Variants in PCDHGB3 observed in about 807,000 individuals in gnomAD.
PCDHGB3 encodes protocadherin gamma-B3.
Under a neutral mutation model 59.2 loss-of-function variants are expected in PCDHGB3, and 40 were observed. The observed-to-expected ratio is 0.68, with a 90% CI of 0.52 to 0.88. The LOEUF (loss-of-function observed/expected upper bound fraction) is 0.88. Among genes scored for constraint, PCDHGB3 ranks in the 40% least tolerant of loss-of-function variants. PCDHGB3 has a pLI of 0.00. For synonymous variants in PCDHGB3, 581 were observed against 503.6 expected (o/e 1.15, Z -2.06); for missense variants, 1,309 against 1,187.9 (o/e 1.10, Z -1.50).
chr5:141,433,286 T>C (rs2097581877), intron 1 of PCDHGB3: 2 of 1,143,608 alleles, frequency 1.7e-6, no homozygotes, highest in African/African-American at 1.6e-5. Flanking sequence ...CTCAAACTCC[T>C]AGGCTCAAGC....
At chr5:141,376,037 C>T (rs1436738898) in intron 1 of PCDHGB3, 1 of 1,613,104 alleles carries the variant, frequency 6.2e-7, no homozygotes, top group African/African-American at 1.3e-5. Flanking sequence ...CCACGGCCAG[C>T]CCCCTCTCTC....
intron 1 of PCDHGB3, chr5:141,374,638 A>C (rs931155259): frequency 4.3e-6 from 7 of 1,612,946 alleles, no homozygotes; most frequent in Admixed American, 1.7e-5. Context: ...TGCAAAGCGA[A>C]GCCCATGGGC....
At chr5:141,394,705 C>A (rs1245348426) in intron 1 of PCDHGB3, 1 of 1,613,256 alleles carries the variant, frequency 6.2e-7, no homozygotes, top group African/African-American at 1.3e-5. Context: ...ACGGCGCGAG[C>A]CCTGCTGGAC....
intron 1 of PCDHGB3, among the ~76,000 whole-genome samples, chr5:141,479,041 C>T (rs1346986831): frequency 1.2e-4 from 18 of 152,100 alleles, no homozygotes; most frequent in Admixed American, 1.2e-3. Flanking sequence ...AGATCGTGTA[C>T]CTCATTCTCA....
At chr5:141,375,704 C>T in intron 1 of PCDHGB3, 2 of 1,614,268 alleles carry the variant, frequency 1.2e-6, no homozygotes, top group Non-Finnish European at 1.7e-6. Flanking sequence ...CGGGGACCCG[C>T]CTCTTAGCAG....
At chr5:141,413,338 G>A in intron 1 of PCDHGB3, 1 of 1,613,980 alleles carries the variant, frequency 6.2e-7, no homozygotes, top group African/African-American at 1.3e-5. Context: ...CATCTCCAAG[G>A]ACTTGGGTCT....
intron 1 of PCDHGB3, chr5:141,409,386 A>C (rs369240403): frequency 1.2e-6 from 2 of 1,613,914 alleles, no homozygotes; most frequent in African/African-American, 2.7e-5. Flanking sequence ...TTCAAGATTT[A>C]TTCTTCTTCC....
intron 1 of PCDHGB3, chr5:141,423,965 T>C (rs911812056): frequency 8.1e-5 from 94 of 1,162,030 alleles, no homozygotes; most frequent in Admixed American, 1.3e-4. Context: ...TATTTTTCTA[T>C]TATCAGTGTA....
chr5:141,422,188 C>T, intron 1 of PCDHGB3: 1 of 1,561,742 alleles, frequency 6.4e-7, no homozygotes. Context: ...GATGGAAATT[C>T]AAGGCCAAGA....
At chr5:141,419,023 A>T (rs768427376) in intron 1 of PCDHGB3, 2 of 1,613,958 alleles carry the variant, frequency 1.2e-6, no homozygotes, top group Non-Finnish European at 1.7e-6. Flanking sequence ...GCTTAAGTAG[A>T]GGTGTTCCAT....
chr5:141,371,369 A>G lies in PCDHGB3; in HGVS notation c.975A>G (p.Gly325=). 1 of 1,614,014 alleles carries G rather than the reference A, an allele frequency of 6.2e-7. No individual in the cohort carries two copies. Among genetic ancestry groups the G allele is most frequent in the Non-Finnish European group, 8.5e-7 (1 of 1,179,892 alleles). Residue 325 remains glycine, a synonymous_variant, in exon 1 of 4, where the codon GGA becomes GGG. Coordinates refer to ENST00000576222, the MANE Select transcript of PCDHGB3 (RefSeq NM_018924.5). ...YTIGVEAKDG[G]HHTAYCKVQI... ...TTGGGGTGGAAGCAAAGGATGGTGG[A>G]CATCACACTGCATATTGTAAAGTAC...
At chr5:141,440,779 GC>G (rs2154559027) in intron 1 of PCDHGB3, 1 of 152,294 alleles carries the variant, frequency 6.6e-6, no homozygotes, top group Admixed American at 6.5e-5. Flanking sequence ...AGTGCTAGCA[GC>G]CTTAGACGGC....
Position 141,371,219 on chromosome 5 carries a change from C to T in PCDHGB3, c.825C>T (p.Ala275=). The change falls in exon 1 of 4, where the codon GCC becomes GCT. Residue 275 remains alanine (A), a synonymous_variant. Transcript: ENST00000576222. ...MAIDMDEGIN[A]EIIYAFINIG... The stretch of plus-strand genomic sequence containing the variant: ...TTGACATGGATGAGGGCATCAATGC[C>T]GAAATCATCTATGCCTTCATCAATA... The T allele has an allele frequency of 8.1e-6, 13 of 1,613,954 alleles. No homozygotes were observed. Among genetic ancestry groups the T allele is most frequent in the Middle Eastern group, 1.6e-4 (1 of 6,062 alleles).
chr5:141,427,319 G>T (rs1184530487), intron 1 of PCDHGB3: 4 of 456,958 alleles, frequency 8.8e-6, no homozygotes, highest in African/African-American at 8.0e-5. Flanking sequence ...CCCCAGACGT[G>T]GTTTTTACTT....
intron 1 of PCDHGB3, chr5:141,376,448 G>A: frequency 6.2e-7 from 1 of 1,614,174 alleles, no homozygotes. Context: ...TGAGAAAAGC[G>A]AGCCTCTTCT....
intron 1 of PCDHGB3, chr5:141,384,826 G>T: frequency 6.2e-7 from 1 of 1,613,472 alleles, no homozygotes; most frequent in Non-Finnish European, 8.5e-7. Context: ...GCAGAGCCTC[G>T]TGGTGGCCGT....
chr5:141,444,013 C>T (rs1226458485), intron 1 of PCDHGB3, among the ~76,000 whole-genome samples: 2 of 152,060 alleles, frequency 1.3e-5, no homozygotes, highest in Admixed American at 6.6e-5. Flanking sequence ...TGGGTATTGG[C>T]TTCTAAAAGG....
intron 1 of PCDHGB3, among the ~76,000 whole-genome samples, chr5:141,438,833 T>C (rs989612425): frequency 6.6e-6 from 1 of 150,476 alleles, no homozygotes; most frequent in Non-Finnish European, 1.5e-5. Context: ...AGCTAATTTT[T>C]TAAAATATTT....
At chr5:141,429,610 T>C (rs2097228693) in intron 1 of PCDHGB3, among the ~76,000 whole-genome samples, 2 of 152,230 alleles carry the variant, frequency 1.3e-5, no homozygotes, top group African/African-American at 4.8e-5. Flanking sequence ...AACTCAATTT[T>C]ATGTCTGATA....
Sources: allele counts gnomAD v4.1 joint callset (sites outside exome capture counted in the v4.1 genomes callset), GRCh38; gene constraint gnomAD v4.1.1; transcripts MANE v1.5; gene names NCBI Gene and HGNC (gene_info 2026-07-23, HGNC 2026-07-21).